Variants in FDX1 observed in about 807,000 individuals in gnomAD.
The protein encoded by FDX1 is ferredoxin 1, also known as adrenodoxin, mitochondrial.
FDX1 carries 9 observed loss-of-function variants against 14.9 expected under a neutral mutation model. That is an observed-to-expected ratio of 0.60 (90% CI 0.36 to 1.05). The LOEUF is 1.05. FDX1 is among the 50% of genes least tolerant of loss of function. FDX1 has a pLI of 0.01. For missense variants in FDX1, 204 were observed against 237.2 expected, an observed-to-expected ratio of 0.86 and a Z score of 0.92; for synonymous variants, 92 against 99.4, an observed-to-expected ratio of 0.93 and a Z score of 0.44.
At chr11:110,461,190 A>G (rs1433512566) in intron 3 of FDX1, among the ~76,000 whole-genome samples, 1 of 152,208 alleles carries the variant, frequency 6.6e-6, no homozygotes, top group East Asian at 1.9e-4. Flanking sequence ...TTTGAATTAT[A>G]TATCACTGCT....
intron 3 of FDX1, among the ~76,000 whole-genome samples, chr11:110,457,576 A>G (rs1328005921): frequency 2.0e-5 from 3 of 152,132 alleles, no homozygotes; most frequent in African/African-American, 7.2e-5. Flanking sequence ...ACATCAAGTG[A>G]TATCTTATTT....
In FDX1 at chr11:110,444,686, A is replaced by G. The variant is rs1464682317; in HGVS notation, c.310+8728A>G. Among the ~76,000 whole-genome samples the G allele has an allele frequency of 2.9e-4, 17 of 57,962 alleles. 1 individual carries two copies. Among genetic ancestry groups the G allele is most frequent in the African/African-American group, 1.6e-3 (16 of 9,922 alleles). 38.0% of individuals were successfully genotyped at this position (57,962 alleles called of 152,430 possible). A position where few individuals can be genotyped will look rare whatever the true frequency, so the allele number is the denominator to read the frequency against. On this transcript the variant is annotated intron_variant, in intron 2 of 3. Transcript: ENST00000260270. Reference sequence around the variant, plus strand: ...TATACGTATATATATATATATATACACGTATATATATATATATACGTATAT... The same window carrying G: ...TATACGTATATATATATATATATACGCGTATATATATATATATACGTATAT...
intron 1 of FDX1, among the ~76,000 whole-genome samples, chr11:110,433,420 C>T (rs1407253547): frequency 1.3e-5 from 2 of 152,288 alleles, no homozygotes; most frequent in Admixed American, 1.3e-4. Context: ...ATTGTGTGAG[C>T]TGGAAATCCC....
chr11:110,437,367 A>G (rs763038784), intron 2 of FDX1, among the ~76,000 whole-genome samples: 1 of 152,166 alleles, frequency 6.6e-6, no homozygotes, highest in Non-Finnish European at 1.5e-5. Flanking sequence ...TGTATACTAT[A>G]TTCTAGCATA....
At chr11:110,434,352 T>TTTTTTTTTTTTC (rs1946353058) in intron 1 of FDX1, among the ~76,000 whole-genome samples, 1 of 151,060 alleles carries the variant, frequency 6.6e-6, no homozygotes. Flanking sequence ...TTTTTTTTTT[T>TTTTTTTTTTTTC]TGGAGACAGA....
At chr11:110,440,181 A>T (rs753418602) in intron 2 of FDX1, among the ~76,000 whole-genome samples, 1 of 151,780 alleles carries the variant, frequency 6.6e-6, no homozygotes, top group African/African-American at 2.4e-5. Flanking sequence ...TTGTTAATCT[A>T]GCTAGTGGTC....
intron 2 of FDX1, among the ~76,000 whole-genome samples, chr11:110,451,707 C>G (rs1053096250): frequency 2.0e-5 from 3 of 152,126 alleles, no homozygotes; most frequent in African/African-American, 7.2e-5. Context: ...CAATGATAGG[C>G]TGGATAAAGA....
chr11:110,446,736 T>C (rs1025889323), intron 2 of FDX1, among the ~76,000 whole-genome samples: 4 of 152,192 alleles, frequency 2.6e-5, no homozygotes, highest in African/African-American at 9.7e-5. Flanking sequence ...GCCTCCAGCA[T>C]GTCCTGTTGG....
At chr11:110,446,613 G>C (rs1946451567) in intron 2 of FDX1, among the ~76,000 whole-genome samples, 1 of 152,040 alleles carries the variant, frequency 6.6e-6, no homozygotes, top group Admixed American at 6.6e-5. Context: ...CCTCAGTAAT[G>C]AGCACCACCC....
At position 110,464,057 on chromosome 11, in the gene FDX1, C is replaced by T. The variant is rs1306131874; in HGVS notation, c.*1589C>T. ...CCTCCCAGGTAGCTGGTACTACAGG[C>T]ACGGACCACCACGCCTGGCTAATTT... On this transcript the variant is annotated 3_prime_UTR_variant, in exon 4 of 4. Transcript: ENST00000260270. The T allele has an allele frequency of 6.6e-6, 1 of 151,952 alleles. No homozygotes were observed. Among genetic ancestry groups the T allele is most frequent in the African/African-American group, 2.4e-5 (1 of 41,354 alleles). 9.4% of individuals were successfully genotyped at this position (151,952 alleles called of 1,614,324 possible).
chr11:110,462,246 C>T, intron 3 of FDX1, 108 bp from the exon 4 acceptor site: 1 of 539,246 alleles, frequency 1.9e-6, no homozygotes, highest in Non-Finnish European at 3.3e-6. Context: ...TTAATAAGTT[C>T]CCTGACTGCT....
At chr11:110,435,724 G>A (rs1946363931) in intron 1 of FDX1, 110 bp from the exon 2 acceptor site, 7 of 718,158 alleles carry the variant, frequency 9.7e-6, no homozygotes, top group Admixed American at 3.5e-5. Context: ...GCGTGGTGCT[G>A]GGCACCTGTA....
chr11:110,443,438 CTTTTTTTT>C (rs1204500783), intron 2 of FDX1, among the ~76,000 whole-genome samples: 1 of 132,452 alleles, frequency 7.5e-6, no homozygotes, highest in South Asian at 2.4e-4. Flanking sequence ...TAATAATATC[CTTTTTTTT>C]TTTTTTTTTT....
intron 3 of FDX1, among the ~76,000 whole-genome samples, chr11:110,461,188 A>C (rs1350664609): frequency 6.6e-6 from 1 of 152,198 alleles, no homozygotes; most frequent in South Asian, 2.1e-4. Context: ...GATTTGAATT[A>C]TATATCACTG....
chr11:110,447,376 C>T (rs1322173866), intron 2 of FDX1, among the ~76,000 whole-genome samples: 1 of 150,864 alleles, frequency 6.6e-6, no homozygotes, highest in Non-Finnish European at 1.5e-5. Context: ...ATTCCTCGAA[C>T]CAGGGAGTCG....
At chr11:110,430,457 C>T (rs1946323194) in intron 1 of FDX1, 152 bp downstream of exon 1, 1 of 427,260 alleles carries the variant, frequency 2.3e-6, no homozygotes, top group Non-Finnish European at 3.6e-6. Flanking sequence ...TTCTGGGGTG[C>T]TCTCGCGGCT....
chr11:110,430,174 C>T lies in FDX1; in HGVS notation c.54C>T (p.Gly18=). The change falls in exon 1 of 4, where the codon GGC becomes GGT. Residue 18 remains glycine, a synonymous_variant. Transcript: ENST00000260270. ...TGCGCGCCGCTTCTGCTGTCCTCGG[C>T]GGCCCGGCCGGCCGGTGGCTGCACC... The part of the protein sequence containing the change: ...RLLRAASAVL[G]GPAGRWLHHA... 8.1e-7 allele frequency: 1 copy of T among 1,232,744 alleles called. No homozygotes were observed. The allele number at this position is 1,232,744 out of a possible 1,614,324, so 76.4% of individuals were successfully genotyped here.
intron 1 of FDX1, among the ~76,000 whole-genome samples, chr11:110,434,730 T>G (rs1247434633): frequency 8.4e-5 from 11 of 131,140 alleles, no homozygotes; most frequent in East Asian, 4.2e-4. Flanking sequence ...TTTTTGTTTT[T>G]TTTTTTTTTT....
chr11:110,434,335 T>TTTGC (rs796593968), intron 1 of FDX1, among the ~76,000 whole-genome samples: 1,941 of 69,900 alleles, frequency 0.028, 104 homozygotes, highest in African/African-American at 0.093. Context: ...GCCCTATTGA[T>TTTGC]TTTTTTTTTT....
Sources: gnomAD v4.1 joint callset for allele counts (sites outside exome capture counted in the v4.1 genomes callset) on GRCh38, gnomAD v4.1.1 for gene constraint, MANE v1.5 for transcripts, NCBI Gene and HGNC (gene_info 2026-07-23, HGNC 2026-07-21) for gene names.